Variants in CD2 observed in about 807,000 individuals in gnomAD.
CD2 encodes CD2 molecule, also known as T-cell surface antigen CD2.
CD2 carries 18 observed loss-of-function variants against 23.2 expected under a neutral mutation model. The observed-to-expected ratio is 0.77, with a 90% CI of 0.54 to 1.15. The LOEUF (loss-of-function observed/expected upper bound fraction) is 1.15, where lower values mean the gene tolerates loss of function less well. Ranked by LOEUF, CD2 falls within the 50% of genes most tolerant of loss-of-function variation. The probability of loss-of-function intolerance (pLI) is 0.00; values close to 1 mark genes in which losing one functional copy is unlikely to be tolerated. For synonymous variants in CD2, 162 were observed against 151.9 expected (o/e 1.07, Z -0.49); for missense variants, 424 against 423.1 (o/e 1.00, Z -0.02).
intron 2 of CD2, 107 bp downstream of exon 2, chr1:116,755,058 G>T: frequency 9.4e-6 from 7 of 745,662 alleles, no homozygotes; most frequent in Non-Finnish European, 1.3e-5. Context: ...CCTCCAGGGG[G>T]GCTATACAGG....
intron 2 of CD2, among the ~76,000 whole-genome samples, chr1:116,757,544 A>G (rs967598567): frequency 6.6e-6 from 1 of 152,152 alleles, no homozygotes; most frequent in Non-Finnish European, 1.5e-5. Flanking sequence ...TGCATTATTC[A>G]TGTTAGCGAA....
In CD2 at chr1:116,754,945, A is replaced by T. The variant is rs778328805; in HGVS notation, c.376A>T (p.Ile126Phe). 1.3e-6 allele frequency: 2 copies of T among 1,586,198 alleles called. No individual in the cohort carries two copies. The highest frequency in any genetic ancestry group is 1.7e-6 in the Non-Finnish European group (2 of 1,163,880). Reference protein sequence around the residue: ...NVLEKIFDLKIQERVSKPKIS... With the variant: ...NVLEKIFDLKFQERVSKPKIS... ...GTTGGAAAAAATATTTGATTTGAAG[A>T]TTCAAGGTAAGTGTTCATTCCCTTA... is the stretch of plus-strand genomic sequence containing the variant. The change falls in exon 2 of 5, where the codon ATT (isoleucine) becomes TTT (phenylalanine). Residue 126 changes from isoleucine (I) to phenylalanine (F), a missense_variant. Ile to Phe is a conservative substitution (Grantham distance 21, BLOSUM62 0). Transcript: ENST00000369478.
At position 116,768,737 on chromosome 1, in the gene CD2, C is replaced by T. The variant is rs1652300462; in HGVS notation, c.1010C>T (p.Pro337Leu). The part of the protein sequence containing the change: ...PLPRPRVQPK[P>L]PHGAAENSLS... ...CCCAGACCTCGAGTTCAGCCAAAACCTCCCCATGGGGCAGCAGAAAACTCA... is the reference window on the plus strand; with the variant it reads ...CCCAGACCTCGAGTTCAGCCAAAACTTCCCCATGGGGCAGCAGAAAACTCA... The change falls in exon 5 of 5, where the codon CCT becomes CTT. Residue 337 changes from proline to leucine, a missense_variant. Coordinates refer to ENST00000369478, the MANE Select transcript of CD2 (RefSeq NM_001767.5). 6.2e-7 allele frequency: 1 copy of T among 1,614,138 alleles called. No homozygotes were observed. The highest frequency in any genetic ancestry group is 2.2e-5 in the East Asian group (1 of 44,870).
chr1:116,754,865 C>T lies in CD2; in HGVS notation c.296C>T (p.Thr99Ile). 1 of 1,612,404 alleles carries T rather than the reference C, an allele frequency of 6.2e-7. No individual in the cohort carries two copies. The highest frequency in any genetic ancestry group is 1.1e-5 in the South Asian group (1 of 91,022). The change falls in exon 2 of 5, where the codon ACC (threonine) becomes ATC (isoleucine). Residue 99 changes from threonine (T) to isoleucine (I), a missense_variant. Physicochemically the swap from Thr to Ile is moderately conservative, Grantham distance 89. Transcript: ENST00000369478. ...NGTLKIKHLK[T>I]DDQDIYKVSI... is the part of the protein sequence containing the mutation. ...ACTCTGAAAATTAAGCATCTGAAGA[C>T]CGATGATCAGGATATCTACAAGGTA...
At chr1:116,760,344 A>C in intron 2 of CD2, 58 bp from the exon 3 acceptor site, 1 of 1,360,754 alleles carries the variant, frequency 7.3e-7, no homozygotes, top group Admixed American at 1.8e-5. Context: ...ATAAATAGAT[A>C]TGTTTATTAA....
At chr1:116,763,588 C>A (rs1571242511) in intron 3 of CD2, among the ~76,000 whole-genome samples, 1 of 152,200 alleles carries the variant, frequency 6.6e-6, no homozygotes, top group Admixed American at 6.5e-5. Context: ...TGTTGTTTTA[C>A]AGTTTACAAA....
chr1:116,754,550 A>C lies in CD2; in HGVS notation c.58A>C (p.Lys20Gln). The change falls in exon 1 of 5, where the codon AAA becomes CAA. Residue 20 changes from lysine (K) to glutamine (Q), a missense_variant. Lys to Gln is a moderately conservative substitution (Grantham distance 53). Coordinates refer to ENST00000369478, the MANE Select transcript of CD2 (RefSeq NM_001767.5). ...SFLLIFNVSS[K>Q]GAVSKEITNA... ...CCTTCTGATTTTCAATGTTTCTTCC[A>C]AAGGTAAGCATAAGAGTCAAAGAAG... 12 of 1,614,034 alleles carry C rather than the reference A, an allele frequency of 7.4e-6. No individual in the cohort carries two copies. Among genetic ancestry groups the C allele is most frequent in the Non-Finnish European group, 9.3e-6 (11 of 1,179,976 alleles).
At chr1:116,766,235 G>C (rs1336948261) in intron 4 of CD2, among the ~76,000 whole-genome samples, 1 of 152,240 alleles carries the variant, frequency 6.6e-6, no homozygotes, top group Non-Finnish European at 1.5e-5. Context: ...TTAGGCGCCA[G>C]CTGCAGCTGC....
At chr1:116,764,349 AGCCTGGGAGTTATG>A in intron 3 of CD2, 121 bp from the exon 4 acceptor site, 1 of 1,373,474 alleles carries the variant, frequency 7.3e-7, no homozygotes, top group Non-Finnish European at 9.7e-7. Flanking sequence ...ACCCTCTGTG[AGCCTGGGAGTTATG>A]GGGTGAAAGG....
rs760407742 is a variant in CD2 at position 116,756,989 on chromosome 1, CTCTT to C, written c.382+2040_382+2043del. Among the ~76,000 whole-genome samples, 78 of 144,442 alleles carry C rather than the reference CTCTT, an allele frequency of 5.4e-4. 2 individuals are homozygous for C. The highest frequency in any genetic ancestry group is 1.1e-3 in the South Asian group (5 of 4,560). 94.8% of individuals were successfully genotyped at this position (144,442 alleles called of 152,430 possible). A position where few individuals can be genotyped will look rare whatever the true frequency, so the allele number is the denominator to read the frequency against. ...CACATCTCTTTGTTTCTCCAAGCTT[CTCTT>C]TTTTTTTTTTTTTTTTTAATTGAGA... On this transcript the variant is annotated intron_variant, in intron 2 of 4. Coordinates refer to ENST00000369478, the MANE Select transcript of CD2 (RefSeq NM_001767.5).
Position 116,754,521 on chromosome 1 carries a change from G to A in CD2, c.29G>A (p.Ser10Asn). Reference protein sequence around the residue: MSFPCKFVASFLLIFNVSSK... With the variant: MSFPCKFVANFLLIFNVSSK... ...AGCTTTCCATGTAAATTTGTAGCCA[G>A]CTTCCTTCTGATTTTCAATGTTTCT... Residue 10 changes from serine (S) to asparagine (N), a missense_variant, in exon 1 of 5, where the codon AGC becomes AAC. Transcript: ENST00000369478. 1 of 1,614,050 alleles carries A rather than the reference G, an allele frequency of 6.2e-7. No homozygotes were observed. The highest frequency in any genetic ancestry group is 1.1e-5 in the South Asian group (1 of 91,038).
chr1:116,758,293 G>A (rs1280951023), intron 2 of CD2, among the ~76,000 whole-genome samples: 1 of 152,042 alleles, frequency 6.6e-6, no homozygotes, highest in Non-Finnish European at 1.5e-5. Flanking sequence ...GCTGGCTTGG[G>A]GAGGAAGACA....
At chr1:116,755,087 C>T in intron 2 of CD2, 136 bp downstream of exon 2, 1 of 647,202 alleles carries the variant, frequency 1.5e-6, no homozygotes, top group South Asian at 2.0e-5. Flanking sequence ...TGCATGTCTC[C>T]TGCCCCAGTG....
intron 4 of CD2, among the ~76,000 whole-genome samples, chr1:116,766,753 G>T (rs1000594968): frequency 1.1e-4 from 16 of 151,996 alleles, no homozygotes; most frequent in Admixed American, 5.2e-4. Flanking sequence ...GTCCCAGCTA[G>T]TCAGGAGGCT....
intron 2 of CD2, among the ~76,000 whole-genome samples, chr1:116,758,979 A>G (rs1651949419): frequency 1.3e-5 from 2 of 152,194 alleles, no homozygotes; most frequent in African/African-American, 4.8e-5. Flanking sequence ...CTTCATTGAG[A>G]TAATTCACCT....
intron 3 of CD2, among the ~76,000 whole-genome samples, chr1:116,762,102 T>A (rs1652073324): frequency 6.6e-6 from 1 of 152,182 alleles, no homozygotes; most frequent in Non-Finnish European, 1.5e-5. Flanking sequence ...AGTGCTGGGA[T>A]TATAGGCATG....
At chr1:116,764,745 A>T in intron 4 of CD2, 139 bp downstream of exon 4, 1 of 669,900 alleles carries the variant, frequency 1.5e-6, no homozygotes, top group South Asian at 1.8e-5. Context: ...GTCAGCGGTT[A>T]TAGCTTGTTT....
rs1652294277 is a variant in CD2 at position 116,768,622 on chromosome 1, C to T, written c.895C>T (p.Pro299Ser). 3 of 1,614,010 alleles carry T rather than the reference C, an allele frequency of 1.9e-6. No homozygotes were observed. The highest frequency in any genetic ancestry group is 2.5e-6 in the Non-Finnish European group (3 of 1,180,052). ...CCAGGCACCTAGTCATCGTCCCCCG[C>T]CTCCTGGACACCGTGTTCAGCACCA... ...RSQAPSHRPP[P>S]PGHRVQHQPQ... Residue 299 changes from proline to serine, a missense_variant, in exon 5 of 5, where the codon CCT becomes TCT. Physicochemically the swap from Pro to Ser is moderately conservative, Grantham distance 74. Coordinates refer to ENST00000369478, the MANE Select transcript of CD2 (RefSeq NM_001767.5).
chr1:116,768,582 A>C lies in CD2; in HGVS notation c.855A>C (p.Pro285=), dbSNP rs748864256. 6.2e-7 allele frequency: 1 copy of C among 1,613,716 alleles called. No homozygotes were observed. Among genetic ancestry groups the C allele is most frequent in the Non-Finnish European group, 8.5e-7 (1 of 1,179,948 alleles). Residue 285 remains proline, a synonymous_variant, in exon 5 of 5, where the codon CCA becomes CCC. Coordinates refer to ENST00000369478, the MANE Select transcript of CD2 (RefSeq NM_001767.5). Reference sequence around the variant, plus strand: ...CAACTTCCCAACATCCTCCTCCACCACCTGGTCATCGTTCCCAGGCACCTA... The same window carrying C: ...CAACTTCCCAACATCCTCCTCCACCCCCTGGTCATCGTTCCCAGGCACCTA... ...NPATSQHPPP[P]PGHRSQAPSH... is the part of the protein sequence containing the mutation.
Sources: allele counts gnomAD v4.1 joint callset (sites outside exome capture counted in the v4.1 genomes callset), GRCh38; gene constraint gnomAD v4.1.1; transcripts MANE v1.5; gene names NCBI Gene and HGNC (gene_info 2026-07-23, HGNC 2026-07-21).